FIG4: variants seen among roughly 807,000 people sequenced by gnomAD.
FIG4 encodes polyphosphoinositide phosphatase.
A neutral mutation model predicts 118.6 loss-of-function variants in FIG4; 112 were observed. That is an observed-to-expected ratio of 0.94 (90% CI 0.81 to 1.11). FIG4 has a LOEUF of 1.11. Ranked by LOEUF, FIG4 falls within the 50% of genes least tolerant of loss-of-function variation. The pLI, the probability that FIG4 is intolerant of heterozygous loss-of-function variation, is 0.00. For synonymous variants in FIG4, 369 were observed against 381.2 expected (o/e 0.97, Z 0.37); for missense variants, 969 against 1,111.7 (o/e 0.87, Z 1.83).
intron 10 of FIG4, among the ~76,000 whole-genome samples, chr6:109,757,087 C>T (rs1439378363): frequency 6.6e-6 from 1 of 152,124 alleles, no homozygotes; most frequent in Admixed American, 6.6e-5. Flanking sequence ...GGCTCCTCCC[C>T]CTCTCTTTTT....
At chr6:109,712,850 A>G (rs1160240602) in intron 1 of FIG4, among the ~76,000 whole-genome samples, 2 of 152,158 alleles carry the variant, frequency 1.3e-5, no homozygotes, top group East Asian at 1.9e-4. Flanking sequence ...GTTCTTTCTC[A>G]TCTTTGTGGG....
chr6:109,767,645 C>T lies in FIG4; in HGVS notation c.1750+750C>T, dbSNP rs570497492. ...CAGCACTTTGGGAGGCCGAGGTGGG[C>T]GGATCACGAGGTCAGGAGATCAAGA... On this transcript the variant is annotated intron_variant, in intron 15 of 22. Coordinates refer to ENST00000230124, the MANE Select transcript of FIG4 (RefSeq NM_014845.6). Among the ~76,000 whole-genome samples the T allele has an allele frequency of 4.6e-5, 7 of 152,166 alleles. No individual in the cohort carries two copies. In the South Asian group the frequency reaches 1.2e-3, roughly 27 times the overall value.
At chr6:109,707,026 C>T (rs924258936) in intron 1 of FIG4, among the ~76,000 whole-genome samples, 12 of 152,130 alleles carry the variant, frequency 7.9e-5, no homozygotes, top group African/African-American at 2.9e-4. Context: ...TGTCTAACTG[C>T]ACCCCCAGTA....
chr6:109,709,495 GA>G (rs1775191228), intron 1 of FIG4, among the ~76,000 whole-genome samples: 1 of 152,176 alleles, frequency 6.6e-6, no homozygotes, highest in Admixed American at 6.6e-5. Flanking sequence ...CTAGTTCTGT[GA>G]AAAATGTCAG....
At chr6:109,705,574 G>A (rs1433251324) in intron 1 of FIG4, among the ~76,000 whole-genome samples, 1 of 152,172 alleles carries the variant, frequency 6.6e-6, no homozygotes, top group Non-Finnish European at 1.5e-5. Flanking sequence ...TGGCTCCTCT[G>A]ATTCATGGAT....
At chr6:109,748,182 A>G (rs1489424510) in intron 10 of FIG4, among the ~76,000 whole-genome samples, 1 of 152,118 alleles carries the variant, frequency 6.6e-6, no homozygotes, top group Non-Finnish European at 1.5e-5. Flanking sequence ...CAAGTTGGTG[A>G]TCATGATTTC....
chr6:109,718,400 A>C (rs1775499930), intron 3 of FIG4, among the ~76,000 whole-genome samples: 1 of 152,214 alleles, frequency 6.6e-6, no homozygotes, highest in African/African-American at 2.4e-5. Context: ...ATTAATATGG[A>C]CTTGACTATG....
At position 109,785,030 on chromosome 6, in the gene FIG4, T is replaced by G. The variant is rs1777912578; in HGVS notation, c.1948+2T>G. 20 of 1,554,434 alleles carry G rather than the reference T, an allele frequency of 1.3e-5. No individual in the cohort carries two copies. In the East Asian group the frequency reaches 4.5e-4, roughly 35 times the overall value. On this transcript the variant is annotated splice_donor_variant, in intron 17 of 22. Coordinates refer to ENST00000230124, the MANE Select transcript of FIG4 (RefSeq NM_014845.6). LOFTEE classifies it high-confidence loss of function. Reference sequence around the variant, plus strand: ...ATTTACCATTGCCCTATGATGAAGGTAGGTAACTGTTTGTGTTTTAGTTTT... The same window carrying G: ...ATTTACCATTGCCCTATGATGAAGGGAGGTAACTGTTTGTGTTTTAGTTTT...
At chr6:109,778,283 A>G (rs1331439785) in intron 16 of FIG4, among the ~76,000 whole-genome samples, 2 of 150,202 alleles carry the variant, frequency 1.3e-5, no homozygotes. Flanking sequence ...CAACATGGTG[A>G]AACCCCATCT....
intron 11 of FIG4, among the ~76,000 whole-genome samples, chr6:109,761,102 C>CT (rs1048128675): frequency 9.2e-5 from 14 of 152,198 alleles, no homozygotes; most frequent in Admixed American, 5.9e-4. Flanking sequence ...ACTTATTGTA[C>CT]TTTTTTCTGA....
Position 109,691,364 on chromosome 6 carries a change from G to A in FIG4, c.-72G>A. 2 of 1,295,196 alleles carry A rather than the reference G, an allele frequency of 1.5e-6. No individual in the cohort carries two copies. Among genetic ancestry groups the A allele is most frequent in the Non-Finnish European group, 2.2e-6 (2 of 912,610 alleles). The allele number at this position is 1,295,196 out of a possible 1,614,324, so 80.2% of individuals were successfully genotyped here. On this transcript the variant is annotated 5_prime_UTR_variant, in exon 1 of 23. Coordinates refer to ENST00000230124, the MANE Select transcript of FIG4 (RefSeq NM_014845.6). ...GGACTTGATGTCCAGGGCCTGAGGG[G>A]TTTTCTCGCCGAGTCTCCTGGGGCG...
In FIG4 at chr6:109,729,478, A is replaced by G. The variant is rs909942707; in HGVS notation, c.446+2213A>G. Among the ~76,000 whole-genome samples the G allele has an allele frequency of 4.6e-5, 7 of 152,218 alleles. 1 individual carries two copies. The highest frequency in any genetic ancestry group is 7.3e-5 in the Non-Finnish European group (5 of 68,036). On this transcript the variant is annotated intron_variant, in intron 4 of 22. Transcript: ENST00000230124. ...AGCCTCATACTGAAAGTCCCTAGGC[A>G]GTGCCACAAGACTAGAAAAATAAGG... is the stretch of plus-strand genomic sequence containing the variant.
Position 109,691,323 on chromosome 6 carries a change from G to C in FIG4, c.-113G>C. The stretch of plus-strand genomic sequence containing the variant: ...TCATCTATAGGTTTAGTGCCTAATG[G>C]GTGTTGTTCCTGGCTGGACTTGATG... On this transcript the variant is annotated 5_prime_UTR_variant, in exon 1 of 23. Transcript: ENST00000230124. 1.2e-6 allele frequency: 1 copy of C among 831,028 alleles called. No individual in the cohort carries two copies. The highest frequency in any genetic ancestry group is 2.0e-6 in the Non-Finnish European group (1 of 491,318). The allele number at this position is 831,028 out of a possible 1,614,324, so 51.5% of individuals were successfully genotyped here.
chr6:109,797,242 G>A (rs925297946), intron 22 of FIG4, among the ~76,000 whole-genome samples: 1 of 152,150 alleles, frequency 6.6e-6, no homozygotes, highest in African/African-American at 2.4e-5. Context: ...CTAATAACTT[G>A]CTGTAAGTTA....
At chr6:109,735,377 C>T (rs752007741) in intron 6 of FIG4, 79 bp downstream of exon 6, 2 of 1,369,212 alleles carry the variant, frequency 1.5e-6, no homozygotes, top group Non-Finnish European at 2.1e-6. Context: ...CTCACATTTC[C>T]CTCATATTTG....
intron 1 of FIG4, among the ~76,000 whole-genome samples, chr6:109,694,019 A>G (rs1043585178): frequency 2.6e-5 from 4 of 152,178 alleles, no homozygotes; most frequent in Admixed American, 6.5e-5. Context: ...AAACTGTAGT[A>G]GGTTGTAATA....
intron 15 of FIG4, among the ~76,000 whole-genome samples, chr6:109,775,685 T>G (rs1474993967): frequency 6.6e-6 from 1 of 151,906 alleles, no homozygotes; most frequent in Non-Finnish European, 1.5e-5. Context: ...ATGTTTTCTC[T>G]CAACAAGTGC....
chr6:109,805,073 A>G (rs745619226), intron 22 of FIG4, among the ~76,000 whole-genome samples: 2 of 152,322 alleles, frequency 1.3e-5, no homozygotes, highest in East Asian at 1.9e-4. Flanking sequence ...TTACTTTACT[A>G]TGGTTTATTT....
chr6:109,766,881 G>A lies in FIG4; in HGVS notation c.1736G>A (p.Ser579Asn). Residue 579 changes from serine to asparagine, a missense_variant, in exon 15 of 23, where the codon AGC becomes AAC. Transcript: ENST00000230124. The stretch of plus-strand genomic sequence containing the variant: ...ATGCAAACCCTGTCTAGATATTACA[G>A]CAATGCTTTTTCAGGTAATTCTGAA... ...DIMQTLSRYY[S>N]NAFSDADRQD... The A allele has an allele frequency of 6.2e-7, 1 of 1,613,884 alleles. No individual in the cohort carries two copies. Among genetic ancestry groups the A allele is most frequent in the Non-Finnish European group, 8.5e-7 (1 of 1,179,836 alleles).
Sources: allele counts gnomAD v4.1 joint callset (sites outside exome capture counted in the v4.1 genomes callset), GRCh38; gene constraint gnomAD v4.1.1; transcripts MANE v1.5; gene names NCBI Gene and HGNC (gene_info 2026-07-23, HGNC 2026-07-21).